Variants in ULK1 observed in about 807,000 individuals in gnomAD.
ULK1 encodes the protein serine/threonine-protein kinase ULK1.
ULK1 carries 48 observed loss-of-function variants against 117.5 expected under a neutral mutation model. The observed-to-expected ratio is 0.41, with a 90% CI of 0.32 to 0.52. ULK1 has a LOEUF of 0.52. Ranked by LOEUF, ULK1 falls within the 20% of genes least tolerant of loss-of-function variation. The probability of loss-of-function intolerance (pLI) is 0.29; values close to 1 mark genes in which losing one functional copy is unlikely to be tolerated. For synonymous variants in ULK1, 790 were observed against 637.8 expected, an observed-to-expected ratio of 1.24 and a Z score of -3.60; for missense variants, 1,387 against 1,473.4, an observed-to-expected ratio of 0.94 and a Z score of 0.96.
chr12:131,913,947 G>C lies in ULK1; in HGVS notation c.1247+111G>C, dbSNP rs1288376322. The C allele has an allele frequency of 3.0e-6, 3 of 996,332 alleles. No individual in the cohort carries two copies. In the Admixed American group the frequency reaches 1.1e-4, roughly 37 times the overall value. The allele number at this position is 996,332 out of a possible 1,614,324, so 61.7% of individuals were successfully genotyped here. Reference sequence around the variant, plus strand: ...AGGCCTGCTGTGTCCAGAGGCCCCTGCCTTCTTCTCCCAGGCCTCGCAGGA... The same window carrying C: ...AGGCCTGCTGTGTCCAGAGGCCCCTCCCTTCTTCTCCCAGGCCTCGCAGGA... On this transcript the variant is annotated intron_variant, in intron 15 of 27. Coordinates refer to ENST00000321867, the MANE Select transcript of ULK1 (RefSeq NM_003565.4).
chr12:131,921,768 C>T lies in ULK1; in HGVS notation c.*407C>T, dbSNP rs1217588785. On this transcript the variant is annotated 3_prime_UTR_variant, in exon 28 of 28. Transcript: ENST00000321867. ...ACTGTGCCCAGGAAGAGCCTGCGGC[C>T]TCGGCGTCCCCCAGTCTCCAGGAGC... The T allele has an allele frequency of 3.8e-6, 2 of 522,142 alleles. No homozygotes were observed. The highest frequency in any genetic ancestry group is 2.3e-5 in the Admixed American group (1 of 44,340). 32.3% of individuals were successfully genotyped at this position (522,142 alleles called of 1,614,324 possible). A position where few individuals can be genotyped will look rare whatever the true frequency, so the allele number is the denominator to read the frequency against.
rs559468991 is a variant in ULK1, at chr12:131,910,726, G to T, written c.874G>T (p.Val292Leu). 1.1e-5 allele frequency: 17 copies of T among 1,612,992 alleles called. No individual in the cohort carries two copies. The highest frequency in any genetic ancestry group is 1.4e-5 in the Non-Finnish European group (17 of 1,179,932). The change falls in exon 12 of 28, where the codon GTG becomes TTG. Residue 292 changes from valine to leucine, a missense_variant. Transcript: ENST00000321867. ...GTTTATCTCAGCCCCACCCGTGCCT[G>T]TGCCCTCGTACCCAAGCTCGGGGTC... ...PSVRKSPPVP[V>L]PSYPSSGSGS...
intron 3 of ULK1, among the ~76,000 whole-genome samples, chr12:131,898,884 T>C (rs1352380463): frequency 6.6e-6 from 1 of 151,408 alleles, no homozygotes; most frequent in Non-Finnish European, 1.5e-5. Context: ...ATAGTGTATT[T>C]CTTTTTTTTT....
intron 23 of ULK1, 76 bp from the exon 24 acceptor site, chr12:131,919,136 A>G (rs1411809062): frequency 2.0e-6 from 3 of 1,480,272 alleles, no homozygotes; most frequent in Non-Finnish European, 2.7e-6. Flanking sequence ...CCAAGGCGTC[A>G]TCGGTGAGTC....
rs1367107742 is a variant in ULK1 at position 131,919,514 on chromosome 12, A to G, written c.2727A>G (p.Leu909=). ...QLVLYLKVAE[L]LSSGLQSAID... ...TGCTGTACCTGAAGGTGGCCGAGCT[A>G]CTGTCCTCCGGCCTGCAAAGTGCCA... is the stretch of plus-strand genomic sequence containing the variant. The change falls in exon 25 of 28, where the codon CTA becomes CTG. Residue 909 remains leucine (L), a synonymous_variant. Transcript: ENST00000321867. 2.5e-6 allele frequency: 4 copies of G among 1,612,098 alleles called. No individual in the cohort carries two copies. Among genetic ancestry groups the G allele is most frequent in the Admixed American group, 3.3e-5 (2 of 60,006 alleles).
At chr12:131,897,952 C>T (rs1888940812) in intron 3 of ULK1, 1 of 152,182 alleles carries the variant, frequency 6.6e-6, no homozygotes, top group Admixed American at 6.5e-5. Context: ...TAGAGGTCAC[C>T]ATCTGTAAGC....
intron 3 of ULK1, among the ~76,000 whole-genome samples, chr12:131,905,643 C>T (rs921323543): frequency 3.3e-5 from 5 of 152,082 alleles, no homozygotes; most frequent in Admixed American, 2.6e-4. Context: ...TGTGTGGGGC[C>T]CTTGCTCCTC....
At position 131,894,945 on chromosome 12, in the gene ULK1, A is replaced by C; in HGVS notation, c.-57A>C. The stretch of plus-strand genomic sequence containing the variant: ...CCGCCCCGGCCCGCGCCTCCGCCTG[A>C]GTCCCCCGCGCCTTGGCCCGCCACC... On this transcript the variant is annotated 5_prime_UTR_variant, in exon 1 of 28. It removes the in-frame stop codon of an upstream open reading frame in the 5' UTR. Transcript: ENST00000321867. The C allele has an allele frequency of 5.3e-6, 1 of 187,156 alleles. No individual in the cohort carries two copies. Among genetic ancestry groups the C allele is most frequent in the Non-Finnish European group, 8.2e-6 (1 of 122,328 alleles). The allele number at this position is 187,156 out of a possible 1,614,324, so 11.6% of individuals were successfully genotyped here.
rs1023111369 is a variant in ULK1, at chr12:131,921,458, C to T, written c.*97C>T. On this transcript the variant is annotated 3_prime_UTR_variant, in exon 28 of 28. Coordinates refer to ENST00000321867, the MANE Select transcript of ULK1 (RefSeq NM_003565.4). ...CTCGGGACAAGCCCATGGCGCTGAT[C>T]GCTGGTGCTGAGCCCTGCCCTGGGC... is the stretch of plus-strand genomic sequence containing the variant. 52 of 1,559,986 alleles carry T rather than the reference C, an allele frequency of 3.3e-5. No homozygotes were observed. Among genetic ancestry groups the T allele is most frequent in the Middle Eastern group, 2.2e-4 (1 of 4,624 alleles).
chr12:131,905,154 C>T (rs1889224980), intron 3 of ULK1, among the ~76,000 whole-genome samples: 1 of 152,146 alleles, frequency 6.6e-6, no homozygotes, highest in Admixed American at 6.5e-5. Flanking sequence ...TCTGTGGATC[C>T]TGGGGTTGCT....
Position 131,919,258 on chromosome 12 carries a change from T to C in ULK1, c.2558T>C (p.Phe853Ser), listed in dbSNP as rs1366925400. 1 of 1,598,580 alleles carries C rather than the reference T, an allele frequency of 6.3e-7. No homozygotes were observed. The highest frequency in any genetic ancestry group is 8.5e-7 in the Non-Finnish European group (1 of 1,177,564). Reference protein sequence around the residue: ...ILRGLRFTLLFVQHVLEIAAL... With the variant: ...ILRGLRFTLLSVQHVLEIAAL... ...CGTGGCCTGCGCTTCACGCTGCTGT[T>C]CGTGCAGCACGTCCTGGAGATCGCA... Residue 853 changes from phenylalanine (F) to serine (S), a missense_variant, in exon 24 of 28, where the codon TTC (phenylalanine) becomes TCC (serine). Coordinates refer to ENST00000321867, the MANE Select transcript of ULK1 (RefSeq NM_003565.4).
At position 131,919,211 on chromosome 12, in the gene ULK1, G is replaced by T; in HGVS notation, c.2512-1G>T. The T allele has an allele frequency of 6.3e-7, 1 of 1,591,722 alleles. No homozygotes were observed. Reference sequence around the variant, plus strand: ...GCCGCCCTGACGGCCGCTTCCTGCAGCAAGAGCACACGGAGATCCTGCGTG... The same window carrying T: ...GCCGCCCTGACGGCCGCTTCCTGCATCAAGAGCACACGGAGATCCTGCGTG... On this transcript the variant is annotated splice_acceptor_variant, in intron 23 of 27. Transcript: ENST00000321867. LOFTEE classifies it high-confidence loss of function.
chr12:131,897,743 G>C (rs1160503678), intron 3 of ULK1: 1 of 146,776 alleles, frequency 6.8e-6, no homozygotes, highest in Non-Finnish European at 1.5e-5. Flanking sequence ...CTAAAAAAAA[G>C]AAAAAAAAAG....
At chr12:131,904,260 C>T (rs1360746827) in intron 3 of ULK1, among the ~76,000 whole-genome samples, 1 of 152,224 alleles carries the variant, frequency 6.6e-6, no homozygotes, top group Non-Finnish European at 1.5e-5. Context: ...GCCACCCTCC[C>T]ACCTCAGTCC....
intron 5 of ULK1, 120 bp from the exon 6 acceptor site, chr12:131,908,524 C>T: frequency 2.4e-6 from 3 of 1,274,184 alleles, no homozygotes; most frequent in South Asian, 1.7e-5. Context: ...GGGGTTTCCT[C>T]CCGGCCTGCG....
At chr12:131,918,773 G>A (rs1889986412) in intron 23 of ULK1, 92 bp downstream of exon 23, 2 of 1,252,858 alleles carry the variant, frequency 1.6e-6, no homozygotes, top group Non-Finnish European at 2.1e-6. Flanking sequence ...GGGTGTGTGG[G>A]GTGTCGGGTG....
intron 3 of ULK1, 137 bp downstream of exon 3, chr12:131,895,961 TC>T: frequency 8.9e-7 from 1 of 1,123,008 alleles, no homozygotes; most frequent in Non-Finnish European, 1.3e-6. Flanking sequence ...CCACCCTGGG[TC>T]CAGGCCTGGG....
In ULK1 at chr12:131,916,990, A is replaced by G; in HGVS notation, c.2110A>G (p.Lys704Glu). 6.2e-7 allele frequency: 1 copy of G among 1,606,958 alleles called. No homozygotes were observed. The highest frequency in any genetic ancestry group is 8.5e-7 in the Non-Finnish European group (1 of 1,178,000). The change falls in exon 21 of 28, where the codon AAG (lysine) becomes GAG (glutamate). Residue 704 changes from lysine (K) to glutamate (E), a missense_variant. Physicochemically the swap from Lys to Glu is moderately conservative, Grantham distance 56 (BLOSUM62 1). Coordinates refer to ENST00000321867, the MANE Select transcript of ULK1 (RefSeq NM_003565.4). The part of the protein sequence containing the change: ...STSRLTDLLL[K>E]AAFGTQAPDP... ...CAGCCGCCTCACTGACCTGCTCCTT[A>G]AGGCGGCGTTTGGGACACAAGCCCC... is the stretch of plus-strand genomic sequence containing the variant.
Position 131,895,831 on chromosome 12 carries a change from C to A in ULK1, c.246+7C>A, listed in dbSNP as rs1481858682. On this transcript the variant is annotated splice_region_variant and intron_variant, in intron 3 of 27. Coordinates refer to ENST00000321867, the MANE Select transcript of ULK1 (RefSeq NM_003565.4). ...GGCCCTGTACGACTTCCAGGTAAGG[C>A]CTCTGGGCTGCGGTCTGCTGGGGAC... 6.2e-7 allele frequency: 1 copy of A among 1,614,008 alleles called. No individual in the cohort carries two copies. Among genetic ancestry groups the A allele is most frequent in the Non-Finnish European group, 8.5e-7 (1 of 1,180,016 alleles).
Sources: gnomAD v4.1 joint callset for allele counts (sites outside exome capture counted in the v4.1 genomes callset) on GRCh38, gnomAD v4.1.1 for gene constraint, MANE v1.5 for transcripts, NCBI Gene and HGNC (gene_info 2026-07-23, HGNC 2026-07-21) for gene names.